The following PHKB variants were observed in gnomAD, a reference collection of about 807,000 sequenced individuals.
PHKB encodes phosphorylase kinase regulatory subunit beta.
PHKB carries 122 observed loss-of-function variants against 152.1 expected under a neutral mutation model. The ratio of observed to expected loss-of-function variants is 0.80; its 90% CI spans 0.69 to 0.93. PHKB has a LOEUF of 0.93. Ranked by LOEUF, PHKB falls within the 40% of genes least tolerant of loss-of-function variation. The probability of loss-of-function intolerance (pLI) is 0.00; values close to 1 mark genes in which losing one functional copy is unlikely to be tolerated. For synonymous variants in PHKB, 436 were observed against 464.9 expected, an observed-to-expected ratio of 0.94 and a Z score of 0.80; for missense variants, 1,304 against 1,328.4, an observed-to-expected ratio of 0.98 and a Z score of 0.29.
At chr16:47,534,092 G>A (rs1214875799) in intron 6 of PHKB, among the ~76,000 whole-genome samples, 2 of 152,246 alleles carry the variant, frequency 1.3e-5, no homozygotes, top group African/African-American at 4.8e-5. Context: ...AGCTCGGAAG[G>A]GGTGGGACTC....
intron 1 of PHKB, among the ~76,000 whole-genome samples, chr16:47,490,157 C>G (rs1201701217): frequency 6.6e-6 from 1 of 152,178 alleles, no homozygotes; most frequent in Non-Finnish European, 1.5e-5. Flanking sequence ...AACATTTCAG[C>G]TCTTCATGAG....
At chr16:47,663,302 A>T (rs1340459006) in intron 23 of PHKB, among the ~76,000 whole-genome samples, 1 of 152,206 alleles carries the variant, frequency 6.6e-6, no homozygotes, top group African/African-American at 2.4e-5. Context: ...ATGAAAACTC[A>T]TATATATTAG....
chr16:47,684,684 G>A (rs879793813), intron 26 of PHKB, among the ~76,000 whole-genome samples: 3 of 152,090 alleles, frequency 2.0e-5, no homozygotes, highest in Non-Finnish European at 2.9e-5. Context: ...GGAGAATGGC[G>A]TGAGCCCGGG....
At chr16:47,599,120 G>C (rs1437558548) in intron 13 of PHKB, 2 of 491,444 alleles carry the variant, frequency 4.1e-6, no homozygotes, top group Non-Finnish European at 7.2e-6. Flanking sequence ...TTACAAAGAA[G>C]CTTTGTTGTT....
chr16:47,575,058 A>G (rs189925853), intron 7 of PHKB, among the ~76,000 whole-genome samples: 6 of 152,288 alleles, frequency 3.9e-5, no homozygotes, highest in Admixed American at 3.9e-4. Context: ...AGTTTTGTAA[A>G]TCAAATTGCA....
At position 47,547,502 on chromosome 16, in the gene PHKB, G is replaced by T. The variant is rs866677615; in HGVS notation, c.664G>T (p.Glu222Ter). The T allele has an allele frequency of 6.2e-7, 1 of 1,612,568 alleles. No individual in the cohort carries two copies. The highest frequency in any genetic ancestry group is 1.3e-5 in the African/African-American group (1 of 74,996). Residue 222 changes from glutamate to a stop codon, truncating the protein, a stop_gained, in exon 7 of 31, where the codon GAA becomes TAA. Coordinates refer to ENST00000323584, the MANE Select transcript of PHKB (RefSeq NM_000293.3). LOFTEE classifies it high-confidence loss of function. The stretch of plus-strand genomic sequence containing the variant: ...CCGTGTGCCTGACTTTGGTGTCTGG[G>T]AAAGAGGAAGCAAATATAATAATGG... Reference protein sequence around the residue: ...VYRVPDFGVWERGSKYNNGST... With the variant: ...VYRVPDFGVW
intron 7 of PHKB, among the ~76,000 whole-genome samples, chr16:47,572,599 G>A (rs1320784005): frequency 6.6e-6 from 1 of 152,166 alleles, no homozygotes; most frequent in Non-Finnish European, 1.5e-5. Flanking sequence ...GTGATGTTGG[G>A]TGGAGCTGGG....
rs377128741 is a variant in PHKB, at chr16:47,641,728, A to G, written c.1608+36A>G. The G allele has an allele frequency of 2.8e-6, 3 of 1,078,012 alleles. No homozygotes were observed. In the African/African-American group the frequency reaches 4.7e-5, roughly 17 times the overall value. The allele number at this position is 1,078,012 out of a possible 1,614,324, so 66.8% of individuals were successfully genotyped here. ...CTGCCTTTTACTTTCCTTACTTTGT[A>G]GAGGTACTAGAGCTTGATGGTTGGA... is the stretch of plus-strand genomic sequence containing the variant. On this transcript the variant is annotated intron_variant, in intron 16 of 30. Coordinates refer to ENST00000323584, the MANE Select transcript of PHKB (RefSeq NM_000293.3).
intron 13 of PHKB, chr16:47,598,957 A>T: frequency 7.0e-7 from 1 of 1,428,594 alleles, no homozygotes; most frequent in Non-Finnish European, 9.8e-7. Context: ...AGTATTGCAC[A>T]CAGCCAATCC....
chr16:47,540,826 T>G (rs1971043213), intron 6 of PHKB, among the ~76,000 whole-genome samples: 1 of 142,278 alleles, frequency 7.0e-6, no homozygotes, highest in South Asian at 2.4e-4. Context: ...CCTGTTTTTT[T>G]TTTTTTTTTT....
intron 8 of PHKB, among the ~76,000 whole-genome samples, chr16:47,585,341 G>A (rs970511309): frequency 3.3e-5 from 5 of 152,160 alleles, no homozygotes; most frequent in Non-Finnish European, 5.9e-5. Context: ...CAAATGAGCC[G>A]AGACCAGAAT....
At chr16:47,600,466 T>C (rs1344684440) in intron 13 of PHKB, among the ~76,000 whole-genome samples, 1 of 152,210 alleles carries the variant, frequency 6.6e-6, no homozygotes. Context: ...AATTTGAAAG[T>C]TTAGAAACCA....
chr16:47,565,253 T>A, intron 7 of PHKB: 1 of 702,366 alleles, frequency 1.4e-6, no homozygotes, highest in Non-Finnish European at 2.7e-6. Context: ...CTCCGTTCAG[T>A]GGTCTTTGTT....
At chr16:47,489,454 C>T (rs1458876137) in intron 1 of PHKB, among the ~76,000 whole-genome samples, 1 of 152,210 alleles carries the variant, frequency 6.6e-6, no homozygotes, top group Non-Finnish European at 1.5e-5. Context: ...CTTATCCTGA[C>T]TATTTGCATA....
intron 18 of PHKB, among the ~76,000 whole-genome samples, chr16:47,650,008 T>C (rs1249421911): frequency 6.6e-6 from 1 of 152,178 alleles, no homozygotes; most frequent in Non-Finnish European, 1.5e-5. Flanking sequence ...TCCAGTCTCC[T>C]CCACCTGCTG....
chr16:47,537,320 T>C (rs1489054451), intron 6 of PHKB, among the ~76,000 whole-genome samples: 1 of 152,238 alleles, frequency 6.6e-6, no homozygotes, highest in Non-Finnish European at 1.5e-5. Flanking sequence ...GTTGGCTTCA[T>C]AGGCAGAAAA....
intron 11 of PHKB, 84 bp downstream of exon 11, chr16:47,593,641 A>C (rs543685925): frequency 4.9e-5 from 41 of 829,482 alleles, no homozygotes; most frequent in Admixed American, 7.4e-5. Context: ...AGAAGAGCAG[A>C]AATAAATTAT....
At chr16:47,620,751 G>GC (rs1231902639) in intron 14 of PHKB, among the ~76,000 whole-genome samples, 15 of 152,124 alleles carry the variant, frequency 9.9e-5, no homozygotes, top group Middle Eastern at 3.2e-3. Context: ...GCGTGTACTT[G>GC]TAGTCCCAGC....
rs1287940389 is a variant in PHKB, at chr16:47,627,387, A to C, written c.1459-13648A>C. Among the ~76,000 whole-genome samples, 3 of 152,258 alleles carry C rather than the reference A, an allele frequency of 2.0e-5. No individual in the cohort carries two copies. The East Asian group carries it at 5.8e-4, about 29-fold the overall frequency. On this transcript the variant is annotated intron_variant, in intron 14 of 30. Transcript: ENST00000323584. ...CTTAAGATAAAAATATAGAAACACC[A>C]GTTACAGCAAGTACTTAGAAAGGGG...
Sources: allele counts gnomAD v4.1 joint callset (sites outside exome capture counted in the v4.1 genomes callset), GRCh38; gene constraint gnomAD v4.1.1; transcripts MANE v1.5; gene names NCBI Gene and HGNC (gene_info 2026-07-23, HGNC 2026-07-21).